The following PREX2 variants were observed in gnomAD, a reference collection of about 807,000 sequenced individuals.
PREX2 encodes the protein phosphatidylinositol-3,4,5-trisphosphate dependent Rac exchange factor 2.
In PREX2, 107 loss-of-function variants were observed where a neutral mutation model predicts 203.2. The observed-to-expected ratio is 0.53, with a 90% confidence interval of 0.45 to 0.62. The LOEUF (loss-of-function observed/expected upper bound fraction) is 0.62. Ranked by LOEUF, PREX2 falls within the 20% of genes least tolerant of loss-of-function variation. The pLI, the probability that PREX2 is intolerant of heterozygous loss-of-function variation, is 0.00. For synonymous variants in PREX2, 672 were observed against 663.6 expected (o/e 1.01, Z -0.19); for missense variants, 1,777 against 1,955.9 (o/e 0.91, Z 1.72).
chr8:68,142,594 G>A (rs992450589), intron 33 of PREX2, among the ~76,000 whole-genome samples: 1 of 152,158 alleles, frequency 6.6e-6, no homozygotes, highest in South Asian at 2.1e-4. Context: ...AAACACACAT[G>A]TGCAGGTTTT....
At chr8:68,079,150 G>T (rs971007870) in intron 15 of PREX2, among the ~76,000 whole-genome samples, 1 of 152,142 alleles carries the variant, frequency 6.6e-6, no homozygotes. Flanking sequence ...GCAAGACCCC[G>T]TCTCTACAGA....
At chr8:67,953,042 T>C (rs1194728121) in intron 1 of PREX2, among the ~76,000 whole-genome samples, 2 of 152,102 alleles carry the variant, frequency 1.3e-5, no homozygotes, top group African/African-American at 4.8e-5. Context: ...GTGGCCGCTT[T>C]AGTTATGGTC....
chr8:68,206,419 A>T (rs931982721), intron 37 of PREX2, among the ~76,000 whole-genome samples: 5 of 152,220 alleles, frequency 3.3e-5, no homozygotes, highest in Admixed American at 1.3e-4. Context: ...GATTGTAGCT[A>T]CTAAAAATAG....
In PREX2 at chr8:68,109,518, T is replaced by A; in HGVS notation, c.3041T>A (p.Leu1014Gln). ...GQQDGHGLRY[L>Q]LKEEDLETQD... ...CAGGATGGCCATGGTCTCAGGTATC[T>A]GCTAAAAGAAGAAGACTTAGAAACC... The change falls in exon 25 of 40, where the codon CTG becomes CAG. Residue 1014 changes from leucine (L) to glutamine (Q), a missense_variant. By Grantham distance (113) the Leu-to-Gln change is moderately radical (BLOSUM62 -2). Transcript: ENST00000288368. 2 of 1,614,058 alleles carry A rather than the reference T, an allele frequency of 1.2e-6. No individual in the cohort carries two copies. The highest frequency in any genetic ancestry group is 1.7e-6 in the Non-Finnish European group (2 of 1,179,948).
chr8:67,953,834 A>G (rs1187015258), intron 1 of PREX2, among the ~76,000 whole-genome samples: 5 of 152,218 alleles, frequency 3.3e-5, no homozygotes, highest in Non-Finnish European at 7.3e-5. Context: ...GAATTATTAT[A>G]TACTTCCTTG....
chr8:68,035,329 TTG>T (rs1264712974), intron 6 of PREX2, among the ~76,000 whole-genome samples: 1 of 152,160 alleles, frequency 6.6e-6, no homozygotes, highest in Non-Finnish European at 1.5e-5. Flanking sequence ...GTTGTCAGTC[TTG>T]TCAATTTTCT....
Position 68,232,662 on chromosome 8 carries a change from A to C in PREX2, c.*1284A>C, listed in dbSNP as rs1239154726. ...GAAACTGAGTCTCACTCTGTTACCC[A>C]GACTGGAGTGCGGTGGTGCAATCTT... is the stretch of plus-strand genomic sequence containing the variant. On this transcript the variant is annotated 3_prime_UTR_variant, in exon 40 of 40. Coordinates refer to ENST00000288368, the MANE Select transcript of PREX2 (RefSeq NM_024870.4). The C allele has an allele frequency of 6.6e-6, 1 of 152,204 alleles. No individual in the cohort carries two copies. The highest frequency in any genetic ancestry group is 1.5e-5 in the Non-Finnish European group (1 of 68,034). The allele number at this position is 152,204 out of a possible 1,614,324, so 9.4% of individuals were successfully genotyped here. A position where few individuals can be genotyped will look rare whatever the true frequency, so the allele number is the denominator to read the frequency against.
chr8:68,071,525 T>A (rs896146140), intron 13 of PREX2, among the ~76,000 whole-genome samples: 3 of 152,182 alleles, frequency 2.0e-5, no homozygotes, highest in Non-Finnish European at 2.9e-5. Flanking sequence ...ATTTTTGACA[T>A]TTTATAAAGA....
At position 68,119,408 on chromosome 8, in the gene PREX2, TTTTG is replaced by T. The variant is rs777852061; in HGVS notation, c.3422-20_3422-17del. Reference sequence around the variant, plus strand: ...TAAGATGAGTGATTTTGGTTTTTGGTTTTGTTTTTGTTTTGACATCTAGGTGATG... The same window carrying T: ...TAAGATGAGTGATTTTGGTTTTTGGTTTTTTGTTTTGACATCTAGGTGATG... On this transcript the variant is annotated intron_variant, in intron 27 of 39. Coordinates refer to ENST00000288368, the MANE Select transcript of PREX2 (RefSeq NM_024870.4). 3.0e-5 allele frequency: 48 copies of T among 1,584,700 alleles called. No homozygotes were observed. Among genetic ancestry groups the T allele is most frequent in the Non-Finnish European group, 3.7e-5 (43 of 1,155,496 alleles).
At chr8:68,224,500 G>A (rs554920963) in intron 38 of PREX2, 59 bp from the exon 39 acceptor site, 3 of 1,257,832 alleles carry the variant, frequency 2.4e-6, no homozygotes, top group East Asian at 4.6e-5. Context: ...AAATGTTAAT[G>A]GTATGTTAAA....
At chr8:68,191,657 CA>C in intron 35 of PREX2, 64 bp from the exon 36 acceptor site, 1 of 1,130,800 alleles carries the variant, frequency 8.8e-7, no homozygotes, top group Non-Finnish European at 1.3e-6. Flanking sequence ...GATTCTTGAA[CA>C]TCTTCATGCA....
chr8:68,111,509 C>G (rs1208282516), intron 25 of PREX2, among the ~76,000 whole-genome samples: 1 of 152,042 alleles, frequency 6.6e-6, no homozygotes, highest in Admixed American at 6.6e-5. Flanking sequence ...TAGTTTCAGA[C>G]TAGTTATTTT....
At chr8:68,072,758 T>C (rs1025683688) in intron 14 of PREX2, among the ~76,000 whole-genome samples, 188 bp downstream of exon 14, 15 of 152,198 alleles carry the variant, frequency 9.9e-5, no homozygotes, top group Admixed American at 3.3e-4. Flanking sequence ...AACTTCACTT[T>C]TGTGTTATCC....
At chr8:67,992,201 G>A (rs1375296453) in intron 1 of PREX2, among the ~76,000 whole-genome samples, 1 of 151,930 alleles carries the variant, frequency 6.6e-6, no homozygotes, top group African/African-American at 2.4e-5. Flanking sequence ...ATGCCATATT[G>A]GTCTTAAGGT....
chr8:68,143,459 C>A (rs537208307), intron 33 of PREX2, among the ~76,000 whole-genome samples: 30 of 152,256 alleles, frequency 2.0e-4, no homozygotes, highest in Admixed American at 1.8e-3. Flanking sequence ...TCCTGTACAG[C>A]CTGCAGAACC....
intron 35 of PREX2, among the ~76,000 whole-genome samples, chr8:68,160,823 G>A (rs979171597): frequency 2.6e-5 from 4 of 152,074 alleles, no homozygotes; most frequent in East Asian, 1.9e-4. Flanking sequence ...AATAAAGACA[G>A]TATGAGACCA....
At chr8:68,079,383 T>A (rs1350231638) in intron 15 of PREX2, among the ~76,000 whole-genome samples, 1 of 152,248 alleles carries the variant, frequency 6.6e-6, no homozygotes, top group Non-Finnish European at 1.5e-5. Flanking sequence ...GCTTACTATA[T>A]GCCAAGTTAT....
intron 37 of PREX2, among the ~76,000 whole-genome samples, chr8:68,197,635 A>G (rs1812423258): frequency 6.6e-6 from 1 of 151,548 alleles, no homozygotes; most frequent in South Asian, 2.1e-4. Context: ...TGTATTTGGA[A>G]GGACACATTT....
intron 31 of PREX2, among the ~76,000 whole-genome samples, chr8:68,131,331 T>C (rs943613163): frequency 6.6e-6 from 1 of 152,194 alleles, no homozygotes; most frequent in Non-Finnish European, 1.5e-5. Flanking sequence ...ATATAATATG[T>C]ACATTTTGAA....
Sources: allele counts gnomAD v4.1 joint callset (sites outside exome capture counted in the v4.1 genomes callset), GRCh38; gene constraint gnomAD v4.1.1; transcripts MANE v1.5; gene names NCBI Gene and HGNC (gene_info 2026-07-23, HGNC 2026-07-21).